KIAA0319: variants seen among roughly 807,000 people sequenced by gnomAD.
KIAA0319 encodes the protein dyslexia-associated protein KIAA0319.
A neutral mutation model predicts 108.4 loss-of-function variants in KIAA0319; 83 were observed. The ratio of observed to expected loss-of-function variants is 0.77; its 90% CI spans 0.64 to 0.92. The LOEUF (loss-of-function observed/expected upper bound fraction) is 0.92. Among genes scored for constraint, KIAA0319 ranks in the 40% least tolerant of loss-of-function variants. The pLI, the probability that KIAA0319 is intolerant of heterozygous loss-of-function variation, is 0.00. For missense variants in KIAA0319, 1,195 were observed against 1,322.4 expected, an observed-to-expected ratio of 0.90 and a Z score of 1.49; for synonymous variants, 484 against 510.4, an observed-to-expected ratio of 0.95 and a Z score of 0.70.
Position 24,563,466 on chromosome 6 carries a change from C to G in KIAA0319, c.2484G>C (p.Gln828His). The G allele has an allele frequency of 6.2e-7, 1 of 1,613,412 alleles. No individual in the cohort carries two copies. The highest frequency in any genetic ancestry group is 8.5e-7 in the Non-Finnish European group (1 of 1,179,884). Residue 828 changes from glutamine (Q) to histidine (H), a missense_variant, in exon 16 of 21, where the codon CAG (glutamine) becomes CAC (histidine). Gln to His is a conservative substitution (Grantham distance 24). Coordinates refer to ENST00000378214, the MANE Select transcript of KIAA0319 (RefSeq NM_014809.4). The stretch of plus-strand genomic sequence containing the variant: ...GGGTGTCCTTCCGCTGCTCTGTCAG[C>G]TGCCCAACACCAACCTGCAGGGTCA... ...VELTLQVGVG[Q>H]LTEQRKDTLV...
intron 1 of KIAA0319, among the ~76,000 whole-genome samples, chr6:24,611,740 C>T (rs1007685107): frequency 2.6e-5 from 4 of 151,848 alleles, no homozygotes; most frequent in Non-Finnish European, 4.4e-5. Context: ...AAAATATAAG[C>T]GCATTTGAAA....
At chr6:24,616,177 TACTGG>T (rs1174984179) in intron 1 of KIAA0319, among the ~76,000 whole-genome samples, 4 of 152,232 alleles carry the variant, frequency 2.6e-5, no homozygotes, top group African/African-American at 9.6e-5. Context: ...TTACAAAAAT[TACTGG>T]TATGAAAATT....
intron 1 of KIAA0319, among the ~76,000 whole-genome samples, chr6:24,635,076 AC>A (rs1776026738): frequency 6.6e-6 from 1 of 152,066 alleles, no homozygotes; most frequent in Non-Finnish European, 1.5e-5. Flanking sequence ...CTGCTTAGGA[AC>A]AAAAGGAAAG....
At chr6:24,585,896 C>T (rs1767407004) in intron 4 of KIAA0319, among the ~76,000 whole-genome samples, 1 of 152,138 alleles carries the variant, frequency 6.6e-6, no homozygotes, top group Non-Finnish European at 1.5e-5. Flanking sequence ...CAAGACCAGG[C>T]TGGCCAACAC....
At chr6:24,551,127 C>T (rs1761421284) in intron 20 of KIAA0319, among the ~76,000 whole-genome samples, 2 of 151,056 alleles carry the variant, frequency 1.3e-5, no homozygotes, top group Admixed American at 6.6e-5. Context: ...TACAGGCGCA[C>T]ACCACCACGC....
intron 1 of KIAA0319, among the ~76,000 whole-genome samples, chr6:24,602,664 G>A (rs1770814496): frequency 6.6e-6 from 1 of 152,284 alleles, no homozygotes; most frequent in Non-Finnish European, 1.5e-5. Flanking sequence ...AGCTGGGCGT[G>A]GTGGCGGGCG....
intron 16 of KIAA0319, among the ~76,000 whole-genome samples, chr6:24,559,532 C>T (rs919212932): frequency 6.6e-6 from 1 of 151,902 alleles, no homozygotes; most frequent in Non-Finnish European, 1.5e-5. Context: ...TGCACAGGAC[C>T]CTTCTAGATC....
Position 24,551,435 on chromosome 6 carries a change from A to G in KIAA0319, c.3039T>C (p.Tyr1013=), listed in dbSNP as rs746543791. 3.7e-6 allele frequency: 6 copies of G among 1,602,048 alleles called. No homozygotes were observed. In the Middle Eastern group the frequency reaches 8.3e-4, roughly 221 times the overall value. ...EQERMELRPK[Y]GIKHRSTEHN... ...CAGTCATTCTGCAGACTGTCTTACCATATTTGGGCCTCAGTTCCATTCTTT... is the reference window on the plus strand; with the variant it reads ...CAGTCATTCTGCAGACTGTCTTACCGTATTTGGGCCTCAGTTCCATTCTTT... The change falls in exon 20 of 21, where the codon TAT becomes TAC. Residue 1013 remains tyrosine (Y), a splice_region_variant and synonymous_variant. Transcript: ENST00000378214.
Position 24,563,368 on chromosome 6 carries a change from G to A in KIAA0319, c.2582C>T (p.Ser861Leu), listed in dbSNP as rs144337049. 25 of 1,612,578 alleles carry A rather than the reference G, an allele frequency of 1.6e-5. No homozygotes were observed. Among genetic ancestry groups the A allele is most frequent in the East Asian group, 2.2e-5 (1 of 44,868 alleles). The change falls in exon 16 of 21, where the codon TCG becomes TTG. Residue 861 changes from serine to leucine, a missense_variant. Transcript: ENST00000378214. ...AGTGTGCAGCTCCTACCTGAGATCCGAGTGGGCCCGAATCTTCTGGACCTT... is the reference window on the plus strand; with the variant it reads ...AGTGTGCAGCTCCTACCTGAGATCCAAGTGGGCCCGAATCTTCTGGACCTT... ...DIKVQKIRAH[S>L]DLSTVIVFYV...
chr6:24,630,508 C>CAAAAAAAAAAAAAAAAAAA (rs66787757), intron 1 of KIAA0319, among the ~76,000 whole-genome samples: 2 of 104,460 alleles, frequency 1.9e-5, no homozygotes, highest in Non-Finnish European at 3.9e-5. Context: ...GATTCTGTCT[C>CAAAAAAAAAAAAAAAAAAA]AAAAAAAAAA....
At chr6:24,582,828 T>C (rs1048086739) in intron 5 of KIAA0319, among the ~76,000 whole-genome samples, 2 of 152,146 alleles carry the variant, frequency 1.3e-5, no homozygotes, top group Admixed American at 1.3e-4. Context: ...TGTAGGGGTT[T>C]ATTTAAGGAC....
intron 1 of KIAA0319, among the ~76,000 whole-genome samples, chr6:24,634,582 C>A (rs1206048815): frequency 6.6e-6 from 1 of 152,132 alleles, no homozygotes; most frequent in East Asian, 1.9e-4. Context: ...AATGGCCCCA[C>A]AATTCTGACA....
Position 24,599,767 on chromosome 6 carries a change from CCT to C in KIAA0319, c.55+1280_55+1281del. The C allele has an allele frequency of 5.8e-6, 3 of 519,022 alleles. No individual in the cohort carries two copies. The highest frequency in any genetic ancestry group is 1.1e-5 in the Non-Finnish European group (3 of 275,960). The allele number at this position is 519,022 out of a possible 1,614,324, so 32.2% of individuals were successfully genotyped here. A position where few individuals can be genotyped will look rare whatever the true frequency, so the allele number is the denominator to read the frequency against. ...TGTGATAGGAAACTGGTGTCTGAGT[CCT>C]CTGATGTTCTGCCCAAGTGAATGGC... is the stretch of plus-strand genomic sequence containing the variant. On this transcript the variant is annotated intron_variant, in intron 2 of 20. Transcript: ENST00000378214. This position sits in a 1 kb window ranked among gnomAD's most constrained non-coding sequence, Gnocchi z 4.1.
intron 19 of KIAA0319, 128 bp from the exon 20 acceptor site, chr6:24,551,653 TAAAG>T: frequency 1.5e-6 from 1 of 648,300 alleles, no homozygotes. Flanking sequence ...CGTCTTTTAT[TAAAG>T]AAACATACAC....
At chr6:24,558,379 AG>A (rs2127432463) in intron 17 of KIAA0319, among the ~76,000 whole-genome samples, 1 of 150,866 alleles carries the variant, frequency 6.6e-6, no homozygotes, top group East Asian at 1.9e-4. Context: ...ATAGATAGAT[AG>A]ATAGATAGAT....
chr6:24,569,074 T>G (rs1050861378), intron 12 of KIAA0319, 145 bp from the exon 13 acceptor site: 1 of 803,564 alleles, frequency 1.2e-6, no homozygotes, highest in Admixed American at 2.6e-5. Context: ...CATTCATCTG[T>G]ACTCTCTAGT....
intron 1 of KIAA0319, among the ~76,000 whole-genome samples, chr6:24,622,147 G>C (rs966944478): frequency 6.6e-6 from 1 of 152,050 alleles, no homozygotes; most frequent in Non-Finnish European, 1.5e-5. Flanking sequence ...GTACACCCCA[G>C]AGGGAAACCT....
intron 1 of KIAA0319, among the ~76,000 whole-genome samples, chr6:24,641,840 G>C (rs528689132): frequency 1.3e-5 from 2 of 151,906 alleles, no homozygotes; most frequent in East Asian, 3.9e-4. Context: ...AAAACCAGTC[G>C]GGGCAACATG....
rs1252502318 is a variant in KIAA0319, at chr6:24,564,246, T to C, written c.2387A>G (p.Gln796Arg). Residue 796 changes from glutamine to arginine, a missense_variant, in exon 15 of 21, where the codon CAG becomes CGG. By Grantham distance (43) the Gln-to-Arg change is conservative (BLOSUM62 1). Transcript: ENST00000378214. ...GGCAGTGTCTGTGTCCGAGGCCCCC[T>C]GACTGTCGGTGACTCGCAAGTGGAA... Reference protein sequence around the residue: ...YTFHLRVTDSQGASDTDTATV... With the variant: ...YTFHLRVTDSRGASDTDTATV... 8 of 1,614,086 alleles carry C rather than the reference T, an allele frequency of 5.0e-6. No homozygotes were observed. Among genetic ancestry groups the C allele is most frequent in the Non-Finnish European group, 6.8e-6 (8 of 1,180,004 alleles).
Sources: allele counts gnomAD v4.1 joint callset (sites outside exome capture counted in the v4.1 genomes callset), GRCh38; gene constraint gnomAD v4.1.1; non-coding constraint Gnocchi (gnomAD v3.1); transcripts MANE v1.5; gene names NCBI Gene and HGNC (gene_info 2026-07-23, HGNC 2026-07-21).